RSBN1L: variants seen among roughly 807,000 people sequenced by gnomAD.
RSBN1L encodes the protein lysine-specific demethylase RSBN1L.
Under a neutral mutation model 67.7 loss-of-function variants are expected in RSBN1L, and 30 were observed. That is an observed-to-expected ratio of 0.44 (90% confidence interval 0.33 to 0.60). The LOEUF is 0.60. Among genes scored for constraint, RSBN1L ranks in the 20% least tolerant of loss-of-function variants. The pLI, the probability that RSBN1L is intolerant of heterozygous loss-of-function variation, is 0.02. For missense variants in RSBN1L, 992 were observed against 1,031.7 expected (o/e 0.96, Z 0.53); for synonymous variants, 433 against 387.0 (o/e 1.12, Z -1.39).
chr7:77,722,747 TGGAAGGAATAATGTAAG>T (rs948464288), intron 1 of RSBN1L, among the ~76,000 whole-genome samples: 6 of 151,960 alleles, frequency 3.9e-5, no homozygotes, highest in Admixed American at 2.6e-4. Flanking sequence ...ACATTATTCC[TGGAAGGAATAATGTAAG>T]AGAGGGAAGG....
chr7:77,750,155 A>C, intron 3 of RSBN1L, 91 bp downstream of exon 3: 1 of 712,678 alleles, frequency 1.4e-6, no homozygotes, highest in Non-Finnish European at 2.1e-6. Flanking sequence ...GGCTGAAATA[A>C]AAAGGTAAGA....
intron 1 of RSBN1L, among the ~76,000 whole-genome samples, chr7:77,723,826 C>T (rs145216305): frequency 4.0e-5 from 6 of 150,568 alleles, no homozygotes; most frequent in African/African-American, 9.7e-5. Context: ...CCCAGCTACT[C>T]GGGTGGCCGA....
chr7:77,766,000 A>G (rs1791761524), intron 4 of RSBN1L, among the ~76,000 whole-genome samples: 1 of 152,204 alleles, frequency 6.6e-6, no homozygotes, highest in Non-Finnish European at 1.5e-5. Context: ...GGATTCTACT[A>G]CAAATGTTTA....
intron 1 of RSBN1L, among the ~76,000 whole-genome samples, chr7:77,729,157 G>A (rs1452579415): frequency 6.6e-6 from 1 of 151,974 alleles, no homozygotes; most frequent in East Asian, 1.9e-4. Context: ...AGCTTCCATT[G>A]TGGTGTTTTT....
intron 3 of RSBN1L, among the ~76,000 whole-genome samples, chr7:77,752,651 T>C (rs1425609343): frequency 6.6e-6 from 1 of 152,234 alleles, no homozygotes; most frequent in Non-Finnish European, 1.5e-5. Flanking sequence ...GTAAACTTTT[T>C]ATTGAAGTGT....
rs1469332031 is a variant in RSBN1L, at chr7:77,780,034, GT to G, written c.*868del. 6.6e-6 allele frequency: 1 copy of G among 151,986 alleles called. No individual in the cohort carries two copies. The highest frequency in any genetic ancestry group is 1.5e-5 in the Non-Finnish European group (1 of 68,042). 9.4% of individuals were successfully genotyped at this position (151,986 alleles called of 1,614,324 possible). A position where few individuals can be genotyped will look rare whatever the true frequency, so the allele number is the denominator to read the frequency against. Reference sequence around the variant, plus strand: ...TTTAGTAGAGATGGGGTTTCATCATGTTGGCCAGGATGGTCTTGATCTCTTG... The same window carrying G: ...TTTAGTAGAGATGGGGTTTCATCATGTGGCCAGGATGGTCTTGATCTCTTG... On this transcript the variant is annotated 3_prime_UTR_variant, in exon 8 of 8. Transcript: ENST00000334955.
At chr7:77,742,415 G>T (rs540050537) in intron 2 of RSBN1L, among the ~76,000 whole-genome samples, 39 of 152,226 alleles carry the variant, frequency 2.6e-4, no homozygotes, top group African/African-American at 8.9e-4. Flanking sequence ...GTGAAATCTT[G>T]TCTGCCAGAG....
chr7:77,699,453 G>A (rs1285383763), intron 1 of RSBN1L, among the ~76,000 whole-genome samples: 1 of 152,192 alleles, frequency 6.6e-6, no homozygotes, highest in South Asian at 2.1e-4. Context: ...CTAACAGAAC[G>A]TATTTGGGTT....
chr7:77,724,659 C>T (rs886748432), intron 1 of RSBN1L, among the ~76,000 whole-genome samples: 8 of 151,910 alleles, frequency 5.3e-5, no homozygotes, highest in Non-Finnish European at 1.2e-4. Context: ...CTCCCGACTT[C>T]AGGTGATCCA....
intron 2 of RSBN1L, among the ~76,000 whole-genome samples, chr7:77,736,889 G>A (rs1330086786): frequency 2.0e-5 from 3 of 152,176 alleles, no homozygotes; most frequent in Non-Finnish European, 4.4e-5. Flanking sequence ...TAGGGATGGT[G>A]AAGTAAGTGA....
intron 6 of RSBN1L, among the ~76,000 whole-genome samples, chr7:77,775,671 G>C (rs1171701772): frequency 1.3e-5 from 2 of 152,088 alleles, no homozygotes; most frequent in Admixed American, 6.6e-5. Context: ...TGTGGTCAGA[G>C]AACATATTCT....
intron 1 of RSBN1L, among the ~76,000 whole-genome samples, chr7:77,703,477 G>GTTTTTTTTTTTTTTTTTTTT (rs71529102): frequency 1.6e-5 from 1 of 61,574 alleles, no homozygotes; most frequent in Non-Finnish European, 2.8e-5. Context: ...TACTGTTTGG[G>GTTTTTTTTTTTTTTTTTTTT]TTTTTTTTTT....
chr7:77,719,580 C>T (rs1051779625), intron 1 of RSBN1L, among the ~76,000 whole-genome samples: 3 of 152,130 alleles, frequency 2.0e-5, no homozygotes, highest in African/African-American at 7.2e-5. Flanking sequence ...TAACCAGATA[C>T]CACCTACAAT....
intron 1 of RSBN1L, among the ~76,000 whole-genome samples, chr7:77,722,231 G>T (rs1396040084): frequency 1.3e-5 from 2 of 152,128 alleles, no homozygotes; most frequent in African/African-American, 4.8e-5. Context: ...GAGGGGTTGG[G>T]TTGGGAGATT....
rs1213188696 is a variant in RSBN1L, at chr7:77,736,611, A to T, written c.703+85A>T. On this transcript the variant is annotated intron_variant, in intron 2 of 7. Transcript: ENST00000334955. ...CTAAGTGAATAAAATAAGAAATGTT[A>T]TTTGGTGCTGAATTTTGCGGAGAAT... 1.4e-5 allele frequency: 10 copies of T among 734,590 alleles called. No homozygotes were observed. In the African/African-American group the frequency reaches 1.5e-4, roughly 11 times the overall value. 45.5% of individuals were successfully genotyped at this position (734,590 alleles called of 1,614,324 possible).
chr7:77,715,628 T>G (rs565611928), intron 1 of RSBN1L, among the ~76,000 whole-genome samples: 1 of 152,282 alleles, frequency 6.6e-6, no homozygotes, highest in Non-Finnish European at 1.5e-5. Context: ...ATTGTTGGGC[T>G]GTTAAGTGTA....
chr7:77,700,055 A>G (rs1372451914), intron 1 of RSBN1L, among the ~76,000 whole-genome samples: 1 of 152,158 alleles, frequency 6.6e-6, no homozygotes, highest in Non-Finnish European at 1.5e-5. Context: ...TTGGCCTCCC[A>G]AAGTGCTGAG....
intron 6 of RSBN1L, among the ~76,000 whole-genome samples, chr7:77,775,508 A>G (rs1439491182): frequency 1.3e-5 from 2 of 151,970 alleles, no homozygotes; most frequent in Non-Finnish European, 1.5e-5. Flanking sequence ...AAATTTTTCT[A>G]TTGCATTTTC....
intron 1 of RSBN1L, among the ~76,000 whole-genome samples, chr7:77,703,093 A>G (rs1790839906): frequency 6.6e-6 from 1 of 152,110 alleles, no homozygotes; most frequent in African/African-American, 2.4e-5. Context: ...GAAAGCTACA[A>G]GTCTTGTCAT....
Sources: gnomAD v4.1 joint callset for allele counts (sites outside exome capture counted in the v4.1 genomes callset) on GRCh38, gnomAD v4.1.1 for gene constraint, MANE v1.5 for transcripts, NCBI Gene and HGNC (gene_info 2026-07-23, HGNC 2026-07-21) for gene names.